The following CAPZA1 variants were observed in gnomAD, a reference collection of about 807,000 sequenced individuals.
CAPZA1 encodes the protein F-actin-capping protein subunit alpha-1.
CAPZA1 carries 10 observed loss-of-function variants against 40.8 expected under a neutral mutation model. The ratio of observed to expected loss-of-function variants is 0.25; its 90% CI spans 0.15 to 0.42. The LOEUF is 0.42. CAPZA1 is among the 10% of genes least tolerant of loss of function. The probability of loss-of-function intolerance (pLI) is 1.00; values close to 1 mark genes in which losing one functional copy is unlikely to be tolerated. For missense variants in CAPZA1, 277 were observed against 353.8 expected (o/e 0.78, Z 1.74); for synonymous variants, 98 against 115.0 (o/e 0.85, Z 0.95).
intron 1 of CAPZA1, among the ~76,000 whole-genome samples, chr1:112,626,678 A>G (rs1570699507): frequency 6.6e-6 from 1 of 152,134 alleles, no homozygotes; most frequent in African/African-American, 2.4e-5. Flanking sequence ...TTTTAACAAC[A>G]TTTTTAATTA....
At chr1:112,643,405 G>A (rs1161087935) in intron 1 of CAPZA1, among the ~76,000 whole-genome samples, 1 of 152,144 alleles carries the variant, frequency 6.6e-6, no homozygotes, top group Non-Finnish European at 1.5e-5. Context: ...TGTCAAGGCA[G>A]GGTTCTAAAA....
chr1:112,638,439 C>T (rs551709697), intron 1 of CAPZA1, among the ~76,000 whole-genome samples: 10 of 152,156 alleles, frequency 6.6e-5, no homozygotes, highest in Admixed American at 5.9e-4. Context: ...CTCAGCCTCC[C>T]GAGTAGCTGG....
At chr1:112,659,144 C>T in intron 6 of CAPZA1, 43 bp downstream of exon 6, 2 of 1,341,992 alleles carry the variant, frequency 1.5e-6, no homozygotes, top group Non-Finnish European at 2.1e-6. Flanking sequence ...TGAAAGAAAC[C>T]AGCAGTTGAG....
intron 8 of CAPZA1, 60 bp downstream of exon 8, chr1:112,667,205 G>A: frequency 7.9e-7 from 1 of 1,263,124 alleles, no homozygotes; most frequent in Admixed American, 2.0e-5. Context: ...TAAAAAATTA[G>A]TTTTGATCCT....
intron 1 of CAPZA1, among the ~76,000 whole-genome samples, chr1:112,645,803 A>C (rs1233056521): frequency 6.6e-6 from 1 of 152,126 alleles, no homozygotes; most frequent in Non-Finnish European, 1.5e-5. Context: ...TGAACAGTCA[A>C]AATAATTGTT....
intron 1 of CAPZA1, among the ~76,000 whole-genome samples, chr1:112,625,733 T>A (rs1670792376): frequency 6.6e-6 from 1 of 152,242 alleles, no homozygotes; most frequent in Non-Finnish European, 1.5e-5. Context: ...GTAAGCTTCC[T>A]AATTATGATA....
At chr1:112,645,379 C>T (rs551316936) in intron 1 of CAPZA1, among the ~76,000 whole-genome samples, 5 of 152,270 alleles carry the variant, frequency 3.3e-5, no homozygotes, top group Non-Finnish European at 7.4e-5. Context: ...AATCTCAATG[C>T]TTTGGGAGGC....
chr1:112,659,580 C>T (rs1671561691), intron 6 of CAPZA1, 121 bp from the exon 7 acceptor site: 5 of 594,834 alleles, frequency 8.4e-6, no homozygotes, highest in Non-Finnish European at 1.4e-5. Flanking sequence ...CAGTTTCTCT[C>T]TCTCTCTTTT....
At chr1:112,623,264 G>A (rs1670721827) in intron 1 of CAPZA1, among the ~76,000 whole-genome samples, 1 of 152,202 alleles carries the variant, frequency 6.6e-6, no homozygotes, top group Non-Finnish European at 1.5e-5. Context: ...GATAAAGCAA[G>A]CCCTAAAGAT....
intron 5 of CAPZA1, among the ~76,000 whole-genome samples, chr1:112,655,910 TTTA>T (rs1255887891): frequency 1.3e-5 from 2 of 152,168 alleles, no homozygotes; most frequent in African/African-American, 4.8e-5. Flanking sequence ...TAAATTTGGC[TTTA>T]TTATTTTTCC....
At chr1:112,649,310 C>A in intron 2 of CAPZA1, 108 bp from the exon 3 acceptor site, 1 of 774,180 alleles carries the variant, frequency 1.3e-6, no homozygotes, top group South Asian at 1.5e-5. Flanking sequence ...TATAGTACAC[C>A]TGAAGACTAA....
At chr1:112,647,365 C>T (rs903558405) in intron 2 of CAPZA1, 92 bp downstream of exon 2, 18 of 629,022 alleles carry the variant, frequency 2.9e-5, no homozygotes, top group Non-Finnish European at 4.5e-5. Flanking sequence ...TTGTTGTAGC[C>T]ATAGCTAAGT....
At position 112,642,145 on chromosome 1, in the gene CAPZA1, A is replaced by C. The variant is rs188780907; in HGVS notation, c.40-5065A>C. ...TACTCGGAATGCCTTCCTTGATCTTAACTACTCATCCTCCAATCCATCTCA... is the reference window on the plus strand; with the variant it reads ...TACTCGGAATGCCTTCCTTGATCTTCACTACTCATCCTCCAATCCATCTCA... On this transcript the variant is annotated intron_variant, in intron 1 of 9. Transcript: ENST00000263168. 1.9e-4 allele frequency among the ~76,000 whole-genome samples: 29 copies of C among 149,208 alleles called. No homozygotes were observed. The East Asian group carries it at 5.1e-3, about 26-fold the overall frequency.
At chr1:112,639,699 T>TA (rs202231640) in intron 1 of CAPZA1, among the ~76,000 whole-genome samples, 5,424 of 148,624 alleles carry the variant, frequency 0.036, 318 homozygotes, top group African/African-American at 0.12. Flanking sequence ...CCTTTCATCT[T>TA]AAAAAAAAAA....
intron 1 of CAPZA1, among the ~76,000 whole-genome samples, chr1:112,627,847 C>T (rs1670845895): frequency 6.6e-6 from 1 of 151,706 alleles, no homozygotes; most frequent in Non-Finnish European, 1.5e-5. Flanking sequence ...GTAATCCCAG[C>T]TACTCAGCAG....
intron 1 of CAPZA1, among the ~76,000 whole-genome samples, chr1:112,627,499 G>C (rs1373706607): frequency 6.6e-6 from 1 of 151,486 alleles, no homozygotes; most frequent in African/African-American, 2.4e-5. Flanking sequence ...ACAAAAATTA[G>C]CCCAGCATAG....
In CAPZA1 at chr1:112,670,846, A is replaced by G. The variant is rs1188916562; in HGVS notation, c.*714A>G. 6.6e-6 allele frequency: 1 copy of G among 152,658 alleles called. No homozygotes were observed. Among genetic ancestry groups the G allele is most frequent in the East Asian group, 1.9e-4 (1 of 5,202 alleles). The allele number at this position is 152,658 out of a possible 1,614,324, so 9.5% of individuals were successfully genotyped here. The stretch of plus-strand genomic sequence containing the variant: ...TTCCCATCTTAGTACCATTGTAGTT[A>G]TAAACATCTGCATTTTTTAGAAGCA... On this transcript the variant is annotated 3_prime_UTR_variant, in exon 10 of 10. Coordinates refer to ENST00000263168, the MANE Select transcript of CAPZA1 (RefSeq NM_006135.3).
intron 1 of CAPZA1, among the ~76,000 whole-genome samples, chr1:112,641,884 C>G (rs1284661603): frequency 2.5e-5 from 2 of 79,040 alleles, no homozygotes; most frequent in Non-Finnish European, 4.6e-5. Context: ...CTGAGACTGT[C>G]TCAAAAAAAA....
chr1:112,658,557 C>G (rs1029668166), intron 5 of CAPZA1, among the ~76,000 whole-genome samples: 1 of 152,192 alleles, frequency 6.6e-6, no homozygotes, highest in Non-Finnish European at 1.5e-5. Context: ...TTTGCTGTCT[C>G]TCCATTGCCT....
Sources: allele counts gnomAD v4.1 joint callset (sites outside exome capture counted in the v4.1 genomes callset), GRCh38; gene constraint gnomAD v4.1.1; transcripts MANE v1.5; gene names NCBI Gene and HGNC (gene_info 2026-07-23, HGNC 2026-07-21).